Variants in PPP1CB observed in about 807,000 individuals in gnomAD.
PPP1CB encodes the protein serine/threonine-protein phosphatase PP1-beta catalytic subunit.
In PPP1CB, 2 loss-of-function variants were observed where a neutral mutation model predicts 43.7. The observed-to-expected ratio is 0.05, with a 90% CI of 0.02 to 0.14. The LOEUF (loss-of-function observed/expected upper bound fraction) is 0.14. PPP1CB is among the 10% of genes least tolerant of loss of function. PPP1CB has a pLI of 1.00. For synonymous variants in PPP1CB, 136 were observed against 135.6 expected (o/e 1.00, Z -0.02); for missense variants, 84 against 398.0 (o/e 0.21, Z 6.71).
At chr2:28,794,644 T>A (rs576263383) in intron 7 of PPP1CB, among the ~76,000 whole-genome samples, 1 of 152,002 alleles carries the variant, frequency 6.6e-6, no homozygotes, top group Admixed American at 6.6e-5. Flanking sequence ...TGAGCCGAGA[T>A]TGCACCACTG....
chr2:28,779,346 T>G lies in PPP1CB; in HGVS notation c.415+307T>G, dbSNP rs111747603. On this transcript the variant is annotated intron_variant, in intron 3 of 7. Coordinates refer to ENST00000395366, the MANE Select transcript of PPP1CB (RefSeq NM_002709.3). ...GGCAGTGGCCCTTGGTTTTCTAGTG[T>G]CCATTAAGGTTTTAACTCTCGGCAT... 5.4e-3 allele frequency among the ~76,000 whole-genome samples: 825 copies of G among 152,350 alleles called. 10 individuals are homozygous for G. The highest frequency in any genetic ancestry group is 0.019 in the African/African-American group (787 of 41,582).
rs375877458 is a variant in PPP1CB, at chr2:28,764,377, G to A, written c.52+12201G>A. ...CGGGAGGCTGAGGCAGGAGAATGGC[G>A]TGAACCCGGGAGGCAGAGCTTGCAG... On this transcript the variant is annotated intron_variant, in intron 1 of 7. Coordinates refer to ENST00000395366, the MANE Select transcript of PPP1CB (RefSeq NM_002709.3). Among the ~76,000 whole-genome samples the A allele has an allele frequency of 1.5e-4, 23 of 150,768 alleles. No individual in the cohort carries two copies. The East Asian group carries it at 3.6e-3, about 24-fold the overall frequency.
intron 7 of PPP1CB, among the ~76,000 whole-genome samples, chr2:28,797,166 C>T (rs778013994): frequency 3.9e-5 from 6 of 152,094 alleles, no homozygotes; most frequent in Admixed American, 1.3e-4. Flanking sequence ...TTGCTGGATT[C>T]GGTTTTAGTA....
chr2:28,770,323 A>G (rs1666875916), intron 1 of PPP1CB, among the ~76,000 whole-genome samples: 1 of 139,028 alleles, frequency 7.2e-6, no homozygotes, highest in African/African-American at 2.7e-5. Context: ...ACTATTATAG[A>G]TACTGTTTAC....
chr2:28,774,481 T>C (rs934577957), intron 1 of PPP1CB, among the ~76,000 whole-genome samples: 3 of 152,038 alleles, frequency 2.0e-5, no homozygotes, highest in African/African-American at 7.3e-5. Context: ...GCTGGAGTGC[T>C]GTGGTGCGAT....
chr2:28,764,785 G>A (rs1666744747), intron 1 of PPP1CB, among the ~76,000 whole-genome samples: 1 of 152,052 alleles, frequency 6.6e-6, no homozygotes, highest in South Asian at 2.1e-4. Context: ...GCTGGGCATG[G>A]TGGCACACAC....
rs529801045 is a variant in PPP1CB, at chr2:28,795,348, A to T, written c.879+1351A>T. On this transcript the variant is annotated intron_variant, in intron 7 of 7. Transcript: ENST00000395366. The stretch of plus-strand genomic sequence containing the variant: ...TTTTGTACATACCCAAAGTAGTGGG[A>T]TTGCTGGGTCGAATGGTGGTTGTTT... Among the ~76,000 whole-genome samples, 6 of 152,198 alleles carry T rather than the reference A, an allele frequency of 3.9e-5. No homozygotes were observed. The East Asian group carries it at 1.2e-3, about 29-fold the overall frequency.
rs756401973 is a variant in PPP1CB, at chr2:28,800,917, T to G, written c.*1614T>G. 3.3e-5 allele frequency: 5 copies of G among 152,506 alleles called. No homozygotes were observed. The highest frequency in any genetic ancestry group is 4.4e-5 in the Non-Finnish European group (3 of 67,972). The allele number at this position is 152,506 out of a possible 1,614,324, so 9.4% of individuals were successfully genotyped here. A position where few individuals can be genotyped will look rare whatever the true frequency, so the allele number is the denominator to read the frequency against. On this transcript the variant is annotated 3_prime_UTR_variant, in exon 8 of 8. Coordinates refer to ENST00000395366, the MANE Select transcript of PPP1CB (RefSeq NM_002709.3). ...ATTGTATTACTTACTGCAAGAGATA[T>G]TTCATTTTCAGCACAGTGCAAAAGT... is the stretch of plus-strand genomic sequence containing the variant.
At chr2:28,779,172 CT>C (rs1403044235) in intron 3 of PPP1CB, 133 bp downstream of exon 3, 1 of 617,452 alleles carries the variant, frequency 1.6e-6, no homozygotes, top group East Asian at 2.8e-5. Context: ...GAAGAGGAAC[CT>C]GAAACTGGGA....
Position 28,752,011 on chromosome 2 carries a change from G to A in PPP1CB, c.-114G>A. 2 of 1,009,768 alleles carry A rather than the reference G, an allele frequency of 2.0e-6. No individual in the cohort carries two copies. The highest frequency in any genetic ancestry group is 3.1e-6 in the Non-Finnish European group (2 of 655,540). 62.6% of individuals were successfully genotyped at this position (1,009,768 alleles called of 1,614,324 possible). A position where few individuals can be genotyped will look rare whatever the true frequency, so the allele number is the denominator to read the frequency against. On this transcript the variant is annotated 5_prime_UTR_variant, in exon 1 of 8. Transcript: ENST00000395366. The stretch of plus-strand genomic sequence containing the variant: ...CCCGGGAAAAGGGGGAGTTGGAGCC[G>A]GGGTCGAAACGCCGCGTGACTTGTA...
chr2:28,768,104 G>A (rs1351126654), intron 1 of PPP1CB, among the ~76,000 whole-genome samples: 1 of 152,092 alleles, frequency 6.6e-6, no homozygotes, highest in East Asian at 1.9e-4. Context: ...CACATTTTGT[G>A]TGCCTCTCGG....
chr2:28,763,071 T>C (rs1057364403), intron 1 of PPP1CB, among the ~76,000 whole-genome samples: 1 of 152,218 alleles, frequency 6.6e-6, no homozygotes, highest in African/African-American at 2.4e-5. Flanking sequence ...GTTAATACTT[T>C]CCAGTAAAAG....
intron 1 of PPP1CB, among the ~76,000 whole-genome samples, chr2:28,753,921 G>A (rs1190972025): frequency 6.6e-6 from 1 of 151,778 alleles, no homozygotes; most frequent in Non-Finnish European, 1.5e-5. Flanking sequence ...TATTTTTGTA[G>A]AGACGGAGGT....
intron 1 of PPP1CB, among the ~76,000 whole-genome samples, chr2:28,764,235 C>T (rs367782992): frequency 1.3e-5 from 2 of 151,628 alleles, no homozygotes; most frequent in Non-Finnish European, 2.9e-5. Context: ...CCGAGGCAGG[C>T]GGATCACGAG....
At chr2:28,769,329 C>T (rs13397993) in intron 1 of PPP1CB, among the ~76,000 whole-genome samples, 5,562 of 152,256 alleles carry the variant, frequency 0.037, 361 homozygotes, top group African/African-American at 0.13. Context: ...CTCTGCCTCC[C>T]GGGTTCAAGC....
intron 3 of PPP1CB, among the ~76,000 whole-genome samples, chr2:28,780,881 A>C (rs1050329902): frequency 1.1e-4 from 17 of 152,036 alleles, no homozygotes; most frequent in Non-Finnish European, 2.1e-4. Flanking sequence ...CTCTATTTAT[A>C]CTTGCTATAG....
chr2:28,776,831 TTTTA>T lies in PPP1CB; in HGVS notation c.53-14_53-11del. On this transcript the variant is annotated splice_polypyrimidine_tract_variant and intron_variant, in intron 1 of 7. Transcript: ENST00000395366. ...TGAGTAAATTTTAGAAAACTGACTG[TTTTA>T]TTTATCGTTTGTCAGTACGAGGATG... is the stretch of plus-strand genomic sequence containing the variant. 6.3e-7 allele frequency: 1 copy of T among 1,582,492 alleles called. No individual in the cohort carries two copies. Among genetic ancestry groups the T allele is most frequent in the Non-Finnish European group, 8.6e-7 (1 of 1,158,904 alleles).
chr2:28,758,849 A>G (rs1008141976), intron 1 of PPP1CB, among the ~76,000 whole-genome samples: 1 of 152,240 alleles, frequency 6.6e-6, no homozygotes, highest in African/African-American at 2.4e-5. Flanking sequence ...CATATCCCAG[A>G]GGGAATAGCG....
intron 7 of PPP1CB, among the ~76,000 whole-genome samples, chr2:28,798,429 G>T (rs1286995157): frequency 2.0e-5 from 3 of 152,044 alleles, no homozygotes; most frequent in Non-Finnish European, 4.4e-5. Flanking sequence ...AGCCGAAAAA[G>T]TCACACAATT....
Sources: allele counts gnomAD v4.1 joint callset (sites outside exome capture counted in the v4.1 genomes callset), GRCh38; gene constraint gnomAD v4.1.1; transcripts MANE v1.5; gene names NCBI Gene and HGNC (gene_info 2026-07-23, HGNC 2026-07-21).